Variants in DPYSL2 observed in about 807,000 individuals in gnomAD.
DPYSL2 encodes dihydropyrimidinase-related protein 2.
Under a neutral mutation model 69.9 loss-of-function variants are expected in DPYSL2, and 13 were observed. The ratio of observed to expected loss-of-function variants is 0.19; its 90% CI spans 0.12 to 0.30. The LOEUF (loss-of-function observed/expected upper bound fraction) is 0.30. Among genes scored for constraint, DPYSL2 ranks in the 10% least tolerant of loss-of-function variants. The pLI is 1.00. For missense variants in DPYSL2, 587 were observed against 918.9 expected, an observed-to-expected ratio of 0.64 and a Z score of 4.67; for synonymous variants, 326 against 359.1, an observed-to-expected ratio of 0.91 and a Z score of 1.04.
At chr8:26,655,558 G>A (rs1803365985) in intron 13 of DPYSL2, 57 bp from the exon 14 acceptor site, 1 of 1,439,608 alleles carries the variant, frequency 6.9e-7, no homozygotes, top group Non-Finnish European at 9.5e-7. Flanking sequence ...CTTCAAGCAG[G>A]ATCTTGTGTG....
intron 10 of DPYSL2, among the ~76,000 whole-genome samples, chr8:26,646,479 G>A (rs1803167731): frequency 6.6e-6 from 1 of 152,226 alleles, no homozygotes; most frequent in Non-Finnish European, 1.5e-5. Flanking sequence ...GTGTCTTATT[G>A]TTTTACATTT....
At chr8:26,646,321 CATTTTTGGTACAT>C (rs1215976517) in intron 10 of DPYSL2, among the ~76,000 whole-genome samples, 1 of 151,628 alleles carries the variant, frequency 6.6e-6, no homozygotes, top group East Asian at 1.9e-4. Flanking sequence ...ATATTTTTAA[CATTTTTGGTACAT>C]ATTGTCAAAG....
chr8:26,546,921 C>CAAAAAAAAA (rs61360009), intron 1 of DPYSL2, among the ~76,000 whole-genome samples: 3 of 46,206 alleles, frequency 6.5e-5, no homozygotes, highest in African/African-American at 3.4e-4. Context: ...GACTCAGTCT[C>CAAAAAAAAA]AAAAAAAAAA....
In DPYSL2 at chr8:26,605,478, AT is replaced by A. The variant is rs142795216; in HGVS notation, c.629-18664del. Among the ~76,000 whole-genome samples, 2,715 of 152,068 alleles carry A rather than the reference AT, an allele frequency of 0.018. 30 individuals carry two copies. Among genetic ancestry groups the A allele is most frequent in the Non-Finnish European group, 0.03 (2,010 of 67,986 alleles). On this transcript the variant is annotated intron_variant, in intron 3 of 13. Coordinates refer to ENST00000521913, the MANE Select transcript of DPYSL2 (RefSeq NM_001197293.3). This position sits in a 1 kb window ranked among gnomAD's most constrained non-coding sequence, Gnocchi z 4.1. ...GCTAATTTTTATATTTTTAGTAGAG[AT>A]GGGATTTCACCATGTTGGCCAGGCT...
At position 26,641,599 on chromosome 8, in the gene DPYSL2, G is replaced by C. The variant is rs1038236734; in HGVS notation, c.1127-1840G>C. On this transcript the variant is annotated intron_variant, in intron 8 of 13. Transcript: ENST00000521913. The surrounding 1 kb of genome is among the most constrained non-coding windows in gnomAD (Gnocchi z 4.1). The stretch of plus-strand genomic sequence containing the variant: ...GGGATGAACCGGAGTGGTTTGTGCA[G>C]CCACCTGATAGCTCTTTGCACCAGC... Among the ~76,000 whole-genome samples the C allele has an allele frequency of 6.6e-6, 1 of 152,244 alleles. No individual in the cohort carries two copies. The highest frequency in any genetic ancestry group is 2.4e-5 in the African/African-American group (1 of 41,466).
At chr8:26,568,860 G>A (rs1801193080) in intron 1 of DPYSL2, among the ~76,000 whole-genome samples, 1 of 152,168 alleles carries the variant, frequency 6.6e-6, no homozygotes, top group Non-Finnish European at 1.5e-5. Context: ...AGCCTGAAGT[G>A]CGGGATTGAA....
At chr8:26,566,540 T>A (rs1347845700) in intron 1 of DPYSL2, among the ~76,000 whole-genome samples, 1 of 152,052 alleles carries the variant, frequency 6.6e-6, no homozygotes, top group South Asian at 2.1e-4. Context: ...GTGGGGCTCA[T>A]AGGACTGAAG....
rs534768113 is a variant in DPYSL2 at position 26,657,446 on chromosome 8, TA to T, written c.*1745del. 12 of 152,652 alleles carry T rather than the reference TA, an allele frequency of 7.9e-5. No individual in the cohort carries two copies. The highest frequency in any genetic ancestry group is 1.5e-4 in the Non-Finnish European group (10 of 68,038). 9.5% of individuals were successfully genotyped at this position (152,652 alleles called of 1,614,324 possible). ...TACCAAATCTGCTTTTTGTAAAGCG[TA>T]AAAACATCACAAAGTAGGTCATTCC... On this transcript the variant is annotated 3_prime_UTR_variant, in exon 14 of 14. Coordinates refer to ENST00000521913, the MANE Select transcript of DPYSL2 (RefSeq NM_001197293.3).
intron 1 of DPYSL2, among the ~76,000 whole-genome samples, chr8:26,519,193 C>T (rs1270177902): frequency 6.6e-6 from 1 of 152,152 alleles, no homozygotes; most frequent in Non-Finnish European, 1.5e-5. Context: ...ATTCCAGGGT[C>T]CTTTGATGCA....
intron 1 of DPYSL2, among the ~76,000 whole-genome samples, chr8:26,566,661 C>A (rs1801153625): frequency 6.6e-6 from 1 of 152,060 alleles, no homozygotes; most frequent in African/African-American, 2.4e-5. Flanking sequence ...CACCCACAGT[C>A]CTTCTAGAAA....
At chr8:26,646,562 C>T (rs1292080543) in intron 10 of DPYSL2, among the ~76,000 whole-genome samples, 1 of 152,138 alleles carries the variant, frequency 6.6e-6, no homozygotes, top group African/African-American at 2.4e-5. Context: ...TTTTCTCCCT[C>T]TTAATACCAG....
chr8:26,573,407 G>A (rs768984827), intron 1 of DPYSL2, among the ~76,000 whole-genome samples: 20 of 151,940 alleles, frequency 1.3e-4, no homozygotes, highest in Non-Finnish European at 2.5e-4. Flanking sequence ...GGTGGCTCAC[G>A]CCTGTAATCC....
chr8:26,572,193 G>T (rs1408659486), intron 1 of DPYSL2, among the ~76,000 whole-genome samples: 1 of 152,230 alleles, frequency 6.6e-6, no homozygotes, highest in Non-Finnish European at 1.5e-5. Flanking sequence ...CAGAGACCCA[G>T]GGCGCCACAG....
chr8:26,620,530 G>T lies in DPYSL2; in HGVS notation c.629-3613G>T, dbSNP rs1194345233. 2.0e-5 allele frequency among the ~76,000 whole-genome samples: 3 copies of T among 152,132 alleles called. No homozygotes were observed. The highest frequency in any genetic ancestry group is 7.2e-5 in the African/African-American group (3 of 41,432). On this transcript the variant is annotated intron_variant, in intron 3 of 13. Transcript: ENST00000521913. The surrounding 1 kb of genome is among the most constrained non-coding windows in gnomAD (Gnocchi z 4.5). ...ACCAGATATTAAAATGTATCAAAAA[G>T]CTGCTCTATTTAGTACTGATTGAGA...
At chr8:26,546,638 G>A (rs1333938179) in intron 1 of DPYSL2, among the ~76,000 whole-genome samples, 9 of 151,968 alleles carry the variant, frequency 5.9e-5, no homozygotes, top group Admixed American at 5.2e-4. Context: ...ATCCTGCAGA[G>A]GCCGGGCGTG....
intron 1 of DPYSL2, chr8:26,577,086 T>C (rs1056157871): frequency 2.3e-6 from 1 of 433,978 alleles, no homozygotes; most frequent in African/African-American, 2.1e-5. Context: ...CAGGGCGGGG[T>C]TTCCCATACC....
intron 1 of DPYSL2, chr8:26,578,190 T>A: frequency 6.2e-7 from 1 of 1,610,776 alleles, no homozygotes; most frequent in Non-Finnish European, 8.5e-7. Flanking sequence ...AAAACCCAAG[T>A]CCCCTTCCCG....
chr8:26,532,061 T>A (rs1800517829), intron 1 of DPYSL2, among the ~76,000 whole-genome samples: 1 of 151,850 alleles, frequency 6.6e-6, no homozygotes, highest in South Asian at 2.1e-4. Context: ...CATGTTTGTG[T>A]AGAGAGAGGA....
At chr8:26,581,519 C>T (rs879428984) in intron 1 of DPYSL2, among the ~76,000 whole-genome samples, 4 of 151,498 alleles carry the variant, frequency 2.6e-5, no homozygotes, top group Non-Finnish European at 4.4e-5. Context: ...ATTACAGGCG[C>T]CCACCACCAT....
Sources: gnomAD v4.1 joint callset for allele counts (sites outside exome capture counted in the v4.1 genomes callset) on GRCh38, gnomAD v4.1.1 for gene constraint, Gnocchi (gnomAD v3.1) non-coding constraint, MANE v1.5 for transcripts, NCBI Gene and HGNC (gene_info 2026-07-23, HGNC 2026-07-21) for gene names.